The following MYO10 variants were observed in gnomAD, a reference collection of about 807,000 sequenced individuals.
MYO10 encodes the protein unconventional myosin-X.
Under a neutral mutation model 257.3 loss-of-function variants are expected in MYO10, and 133 were observed. The observed-to-expected ratio is 0.52, with a 90% confidence interval of 0.45 to 0.60. The LOEUF is 0.60. Among genes scored for constraint, MYO10 ranks in the 20% least tolerant of loss-of-function variants. The probability of loss-of-function intolerance (pLI) is 0.00; values close to 1 mark genes in which losing one functional copy is unlikely to be tolerated. For synonymous variants in MYO10, 1,104 were observed against 1,028.6 expected, an observed-to-expected ratio of 1.07 and a Z score of -1.40; for missense variants, 2,399 against 2,635.7, an observed-to-expected ratio of 0.91 and a Z score of 1.97.
intron 19 of MYO10, among the ~76,000 whole-genome samples, chr5:16,753,324 A>AC (rs138868629): frequency 0.046 from 6,953 of 151,498 alleles, 203 homozygotes; most frequent in South Asian, 0.081. Context: ...CTGCCACCAC[A>AC]CCCAGCTAGT....
At chr5:16,919,558 T>TGTA (rs1174239780) in intron 1 of MYO10, among the ~76,000 whole-genome samples, 1 of 152,144 alleles carries the variant, frequency 6.6e-6, no homozygotes. Flanking sequence ...AAAATAAAGA[T>TGTA]GTAAACAATA....
chr5:16,828,089 T>C (rs758250334), intron 2 of MYO10, among the ~76,000 whole-genome samples: 24 of 152,062 alleles, frequency 1.6e-4, no homozygotes, highest in Non-Finnish European at 3.5e-4. Flanking sequence ...TCACCCTGAA[T>C]TGATGTTCGA....
chr5:16,671,428 A>T lies in MYO10; in HGVS notation c.5424T>A (p.Phe1808Leu). The T allele has an allele frequency of 6.2e-7, 1 of 1,613,970 alleles. No individual in the cohort carries two copies. The highest frequency in any genetic ancestry group is 8.5e-7 in the Non-Finnish European group (1 of 1,179,858). Residue 1808 changes from phenylalanine to leucine, a missense_variant, in exon 38 of 41, where the codon TTT becomes TTA. Transcript: ENST00000513610. ...TTCTAACTATTCCTTTTACCTGTTC[A>T]AACATAAATGCAAACTCCACACTGT... ...PKDSVEFAFM[F>L]EQAHEAVIHG... is the part of the protein sequence containing the mutation.
chr5:16,667,821 T>C (rs1014758270), intron 40 of MYO10, among the ~76,000 whole-genome samples: 3 of 152,168 alleles, frequency 2.0e-5, no homozygotes, highest in Admixed American at 1.3e-4. Context: ...AGAGGCCTTT[T>C]AGTGTGTGTG....
chr5:16,778,830 A>G (rs1326435046), intron 9 of MYO10, among the ~76,000 whole-genome samples: 3 of 151,464 alleles, frequency 2.0e-5, no homozygotes, highest in African/African-American at 4.8e-5. Context: ...AGCTGGGACT[A>G]TAGGCGCCCG....
chr5:16,935,036 T>C (rs1407542764), intron 1 of MYO10, among the ~76,000 whole-genome samples: 1 of 152,132 alleles, frequency 6.6e-6, no homozygotes, highest in Non-Finnish European at 1.5e-5. Context: ...GAAACCACAG[T>C]AAGTCTCGAT....
At chr5:16,846,729 T>C (rs1309373179) in intron 2 of MYO10, among the ~76,000 whole-genome samples, 2 of 152,244 alleles carry the variant, frequency 1.3e-5, no homozygotes, top group Non-Finnish European at 2.9e-5. Context: ...GACACATCCC[T>C]AAGCAGGCTC....
intron 33 of MYO10, among the ~76,000 whole-genome samples, chr5:16,679,201 C>A (rs1299581900): frequency 6.6e-6 from 1 of 152,148 alleles, no homozygotes; most frequent in Non-Finnish European, 1.5e-5. Flanking sequence ...GGAATTCACT[C>A]GTGTGGTCTG....
intron 19 of MYO10, among the ~76,000 whole-genome samples, chr5:16,725,077 T>C (rs1033556951): frequency 1.7e-4 from 21 of 126,878 alleles, no homozygotes; most frequent in African/African-American, 5.8e-4. Context: ...ACCTTCTTCT[T>C]CTTTTTTTTT....
chr5:16,866,580 G>A (rs1052537375), intron 2 of MYO10, among the ~76,000 whole-genome samples: 3 of 152,072 alleles, frequency 2.0e-5, no homozygotes, highest in African/African-American at 7.2e-5. Flanking sequence ...CAAGAGACAT[G>A]TAAGACTCAG....
At chr5:16,776,044 T>C (rs1191264083) in intron 9 of MYO10, among the ~76,000 whole-genome samples, 1 of 151,676 alleles carries the variant, frequency 6.6e-6, no homozygotes, top group Non-Finnish European at 1.5e-5. Context: ...TACACGTGTG[T>C]GCCACTACAC....
chr5:16,711,304 G>A, intron 19 of MYO10, 59 bp from the exon 20 acceptor site: 1 of 1,545,404 alleles, frequency 6.5e-7, no homozygotes, highest in Non-Finnish European at 8.8e-7. Context: ...TTCGATAAGG[G>A]AGGCTTAATA....
At chr5:16,708,687 G>A (rs1001597160) in intron 21 of MYO10, among the ~76,000 whole-genome samples, 3 of 152,112 alleles carry the variant, frequency 2.0e-5, no homozygotes, top group South Asian at 2.1e-4. Context: ...CTAGCCACGC[G>A]AGTAGCTGGG....
At position 16,766,217 on chromosome 5, in the gene MYO10, A is replaced by C; in HGVS notation, c.1061-19T>G. ...CCCAAAGCTGCAGAGAATAAGACAA[A>C]GGTGAATGAACCCACCGCCCCCAAG... On this transcript the variant is annotated intron_variant, in intron 10 of 40. Transcript: ENST00000513610. 2 of 1,590,584 alleles carry C rather than the reference A, an allele frequency of 1.3e-6. No homozygotes were observed. Among genetic ancestry groups the C allele is most frequent in the Non-Finnish European group, 1.7e-6 (2 of 1,160,634 alleles).
intron 19 of MYO10, among the ~76,000 whole-genome samples, chr5:16,747,166 G>A (rs73755192): frequency 0.075 from 11,389 of 152,086 alleles, 1,428 homozygotes; most frequent in African/African-American, 0.26. Flanking sequence ...GTCTAGAAGG[G>A]GTCAGCTGAG....
intron 19 of MYO10, among the ~76,000 whole-genome samples, chr5:16,739,925 T>C (rs1451594551): frequency 1.3e-5 from 2 of 152,128 alleles, no homozygotes; most frequent in South Asian, 4.1e-4. Flanking sequence ...TCTAATGCGG[T>C]GGTGTTTTTA....
At chr5:16,671,397 A>C in intron 38 of MYO10, 25 bp downstream of exon 38, 2 of 1,612,768 alleles carry the variant, frequency 1.2e-6, no homozygotes, top group Non-Finnish European at 1.7e-6. Context: ...CGGCAAAGAA[A>C]TCTGTTTCTA....
In MYO10 at chr5:16,701,365, G is replaced by A; in HGVS notation, c.3030C>T (p.Pro1010=). 6.2e-7 allele frequency: 1 copy of A among 1,613,988 alleles called. No homozygotes were observed. The highest frequency in any genetic ancestry group is 1.1e-5 in the South Asian group (1 of 91,082). Residue 1010 remains proline (P), a synonymous_variant, in exon 25 of 41, where the codon CCC becomes CCT. Transcript: ENST00000513610. This position sits in a 1 kb window ranked among gnomAD's most constrained non-coding sequence, Gnocchi z 8.1. ...DDDAFKDSPN[P]SEHGHSDQRT... is the part of the protein sequence containing the mutation. ...GCTGGTCTGAGTGGCCGTGCTCGCT[G>A]GGGTTGGGGGAGTCCTTGAAGGCGT...
At chr5:16,737,983 T>C (rs771045212) in intron 19 of MYO10, among the ~76,000 whole-genome samples, 1 of 152,142 alleles carries the variant, frequency 6.6e-6, no homozygotes, top group African/African-American at 2.4e-5. Flanking sequence ...CACATTTCAG[T>C]TCAAAGTGCT....
Sources: allele counts gnomAD v4.1 joint callset (sites outside exome capture counted in the v4.1 genomes callset), GRCh38; gene constraint gnomAD v4.1.1; non-coding constraint Gnocchi (gnomAD v3.1); transcripts MANE v1.5; gene names NCBI Gene and HGNC (gene_info 2026-07-23, HGNC 2026-07-21).